Variants in JAK3 observed in about 807,000 individuals in gnomAD.
The protein encoded by JAK3 is tyrosine-protein kinase JAK3.
A neutral mutation model predicts 120.8 loss-of-function variants in JAK3; 88 were observed. The observed-to-expected ratio is 0.73, with a 90% confidence interval of 0.61 to 0.87. The LOEUF (loss-of-function observed/expected upper bound fraction) is 0.87. JAK3 is among the 40% of genes least tolerant of loss of function. The probability of loss-of-function intolerance (pLI) is 0.00; values close to 1 mark genes in which losing one functional copy is unlikely to be tolerated. For synonymous variants in JAK3, 592 were observed against 628.6 expected, an observed-to-expected ratio of 0.94 and a Z score of 0.87; for missense variants, 1,254 against 1,501.4, an observed-to-expected ratio of 0.84 and a Z score of 2.72.
rs2147689016 is a variant in JAK3 at position 17,838,373 on chromosome 19, C to T, written c.1459G>A (p.Val487Met). ...PRPKEKSNLI[V>M]VQRGHSPPTS... Reference sequence around the variant, plus strand: ...GGTGGGCTGTGACCTCTCTGGACCACGATCAGGTTGGACTTTTCTATGGGG... The same window carrying T: ...GGTGGGCTGTGACCTCTCTGGACCATGATCAGGTTGGACTTTTCTATGGGG... The change falls in exon 11 of 24, where the codon GTG becomes ATG. Residue 487 changes from valine (V) to methionine (M), a missense_variant. Val to Met is a conservative substitution (Grantham distance 21). Around this residue, in one of 3 missense-constraint regions of JAK3, gnomAD observed 486 missense variants for 503.0 expected, o/e 0.97. Coordinates refer to ENST00000458235, the MANE Select transcript of JAK3 (RefSeq NM_000215.4). 3 of 1,614,020 alleles carry T rather than the reference C, an allele frequency of 1.9e-6. No homozygotes were observed. The highest frequency in any genetic ancestry group is 2.5e-6 in the Non-Finnish European group (3 of 1,180,022).
intron 17 of JAK3, among the ~76,000 whole-genome samples, 157 bp downstream of exon 17, chr19:17,834,414 G>A (rs370631433): frequency 2.6e-5 from 4 of 152,170 alleles, no homozygotes; most frequent in African/African-American, 9.6e-5. Flanking sequence ...GGGACTGTTC[G>A]TTACAGTAGC....
At position 17,841,095 on chromosome 19, in the gene JAK3, G is replaced by T. The variant is rs897371992; in HGVS notation, c.1142+294C>A. On this transcript the variant is annotated intron_variant, in intron 8 of 23. Coordinates refer to ENST00000458235, the MANE Select transcript of JAK3 (RefSeq NM_000215.4). This position sits in a 1 kb window ranked among gnomAD's most constrained non-coding sequence, Gnocchi z 4.1. Reference sequence around the variant, plus strand: ...GCCCCTCAAAGCGCTGCGATTGCAGGTGTGCCCCACTATGCCTGGCCCTTC... The same window carrying T: ...GCCCCTCAAAGCGCTGCGATTGCAGTTGTGCCCCACTATGCCTGGCCCTTC... Among the ~76,000 whole-genome samples, 4 of 152,108 alleles carry T rather than the reference G, an allele frequency of 2.6e-5. No individual in the cohort carries two copies. The highest frequency in any genetic ancestry group is 1.3e-4 in the Admixed American group (2 of 15,264).
chr19:17,839,703 G>T, intron 9 of JAK3, 40 bp from the exon 10 acceptor site: 3 of 1,379,502 alleles, frequency 2.2e-6, no homozygotes, highest in Non-Finnish European at 3.1e-6. Context: ...CTGAGCGACA[G>T]ACACTCTCCT....
chr19:17,830,230 G>A lies in JAK3; in HGVS notation c.3097-12C>T, dbSNP rs2094211293. On this transcript the variant is annotated splice_polypyrimidine_tract_variant and intron_variant, in intron 22 of 23. Coordinates refer to ENST00000458235, the MANE Select transcript of JAK3 (RefSeq NM_000215.4). ...ATCCGCAGGAACTCCTGGAGCCAAGGAGGAGCGCATGTGGTGGGGGAGGAG... is the reference window on the plus strand; with the variant it reads ...ATCCGCAGGAACTCCTGGAGCCAAGAAGGAGCGCATGTGGTGGGGGAGGAG... The A allele has an allele frequency of 1.3e-6, 2 of 1,554,602 alleles. No individual in the cohort carries two copies. Among genetic ancestry groups the A allele is most frequent in the Non-Finnish European group, 1.7e-6 (2 of 1,149,932 alleles).
chr19:17,837,524 T>G (rs2094227142), intron 12 of JAK3, among the ~76,000 whole-genome samples: 1 of 152,220 alleles, frequency 6.6e-6, no homozygotes, highest in African/African-American at 2.4e-5. Context: ...CAAGCAATTC[T>G]CCTGCCTCAG....
rs2147681782 is a variant in JAK3 at position 17,834,692 on chromosome 19, C to T, written c.2229G>A (p.Gln743=). 1 of 1,614,094 alleles carries T rather than the reference C, an allele frequency of 6.2e-7. No individual in the cohort carries two copies. Among genetic ancestry groups the T allele is most frequent in the Non-Finnish European group, 8.5e-7 (1 of 1,180,006 alleles). ...GCTCTGTCCACTTGGGGGCCGGCAG[C>T]TGCTGCCGGTCCTCATAAAATTGGA... The part of the protein sequence containing the change: ...KKLQFYEDRQ[Q]LPAPKWTELA... The change falls in exon 17 of 24, where the codon CAG becomes CAA. Residue 743 remains glutamine (Q), a synonymous_variant. Coordinates refer to ENST00000458235, the MANE Select transcript of JAK3 (RefSeq NM_000215.4).
rs2094245091 is a variant in JAK3 at position 17,843,544 on chromosome 19, G to T, written c.309-53C>A. On this transcript the variant is annotated intron_variant, in intron 3 of 23. Transcript: ENST00000458235. The surrounding 1 kb of genome is among the most constrained non-coding windows in gnomAD (Gnocchi z 5.4). ...TGAAAGTGCAACCCAGCCTCAGTAG[G>T]AGTGACATTATGGTGGGGGCGAGGG... 1.5e-6 allele frequency: 2 copies of T among 1,336,078 alleles called. No homozygotes were observed. Among genetic ancestry groups the T allele is most frequent in the East Asian group, 2.4e-5 (1 of 41,230 alleles). The allele number at this position is 1,336,078 out of a possible 1,614,324, so 82.8% of individuals were successfully genotyped here.
chr19:17,839,714 T>A, intron 9 of JAK3, 51 bp from the exon 10 acceptor site: 1 of 1,354,816 alleles, frequency 7.4e-7, no homozygotes, highest in Non-Finnish European at 1.0e-6. Flanking sequence ...ACACTCTCCT[T>A]CTCAGTCCTT....
chr19:17,844,814 G>A (rs992977894), intron 1 of JAK3, among the ~76,000 whole-genome samples: 1 of 61,200 alleles, frequency 1.6e-5, no homozygotes, highest in Non-Finnish European at 2.9e-5. Context: ...AAAAAAAAAA[G>A]AAAGAAAGAA....
rs143038064 is a variant in JAK3 at position 17,840,300 on chromosome 19, C to T, written c.1184G>A (p.Arg395His). ...AINKLKTGGS[R>H]PGSYVLRRSP... ...GCGGCGGAGAACATAGGAGCCAGGA[C>T]GTGAGCCCCCAGTCTTGAGCTTGTT... is the stretch of plus-strand genomic sequence containing the variant. The change falls in exon 9 of 24, where the codon CGT becomes CAT. Residue 395 changes from arginine to histidine, a missense_variant. Around this residue, in one of 3 missense-constraint regions of JAK3, gnomAD observed 486 missense variants for 503.0 expected, o/e 0.97. Coordinates refer to ENST00000458235, the MANE Select transcript of JAK3 (RefSeq NM_000215.4). 1.3e-5 allele frequency: 21 copies of T among 1,613,822 alleles called. No homozygotes were observed. The African/African-American group carries it at 1.9e-4, about 14-fold the overall frequency.
intron 23 of JAK3, chr19:17,829,821 T>C (rs2094210485): frequency 1.9e-6 from 1 of 536,524 alleles, no homozygotes; most frequent in Non-Finnish European, 3.3e-6. Context: ...ATCGACTGTG[T>C]GCTCGGCTTT....
intron 1 of JAK3, among the ~76,000 whole-genome samples, chr19:17,844,751 T>G (rs182747669): frequency 2.4e-4 from 35 of 147,504 alleles, no homozygotes; most frequent in African/African-American, 6.6e-4. Flanking sequence ...GAGCCAAGAT[T>G]GTACCACTGC....
rs2094238070 is a variant in JAK3 at position 17,841,344 on chromosome 19, GC to G, written c.1142+44del. ...CACTGAGGCATAGAGAAGGGGAGGG[GC>G]CCTGAGTGGCCACAGAGGCCGGGAA... On this transcript the variant is annotated intron_variant, in intron 8 of 23. Transcript: ENST00000458235. This position sits in a 1 kb window ranked among gnomAD's most constrained non-coding sequence, Gnocchi z 4.1. The G allele has an allele frequency of 4.6e-6, 7 of 1,530,414 alleles. No homozygotes were observed. Among genetic ancestry groups the G allele is most frequent in the Non-Finnish European group, 6.1e-6 (7 of 1,140,724 alleles). The allele number at this position is 1,530,414 out of a possible 1,614,324, so 94.8% of individuals were successfully genotyped here.
intron 23 of JAK3, among the ~76,000 whole-genome samples, chr19:17,828,979 A>G (rs2094208917): frequency 6.6e-6 from 1 of 151,452 alleles, no homozygotes. Context: ...ACACAGAGAG[A>G]CCCCATCTCT....
At chr19:17,840,682 G>T (rs753576745) in intron 8 of JAK3, among the ~76,000 whole-genome samples, 5 of 151,626 alleles carry the variant, frequency 3.3e-5, no homozygotes, top group Non-Finnish European at 5.9e-5. Context: ...AGAATGGCGT[G>T]ACCCTGGGAA....
chr19:17,845,709 AC>A (rs971196443), intron 1 of JAK3, among the ~76,000 whole-genome samples: 1 of 152,122 alleles, frequency 6.6e-6, no homozygotes, highest in African/African-American at 2.4e-5. Flanking sequence ...TGATCACACC[AC>A]TGCACTCCAG....
At chr19:17,830,475 G>A (rs766685579) in intron 22 of JAK3, 28 bp downstream of exon 22, 1 of 1,571,902 alleles carries the variant, frequency 6.4e-7, no homozygotes, top group South Asian at 1.1e-5. Flanking sequence ...GGGAGAAGAA[G>A]GCTGGGGGCT....
intron 12 of JAK3, among the ~76,000 whole-genome samples, 164 bp from the exon 13 acceptor site, chr19:17,837,377 C>T (rs561298404): frequency 1.1e-4 from 17 of 152,270 alleles, no homozygotes; most frequent in Non-Finnish European, 1.6e-4. Flanking sequence ...TTTTCTGATA[C>T]GGGACAGAAG....
chr19:17,830,263 G>T, intron 22 of JAK3, 45 bp from the exon 23 acceptor site: 1 of 1,465,758 alleles, frequency 6.8e-7, no homozygotes, highest in Non-Finnish European at 9.3e-7. Context: ...GAGCCTCCGT[G>T]GGTGGAGGGG....
Sources: gnomAD v4.1 joint callset for allele counts (sites outside exome capture counted in the v4.1 genomes callset) on GRCh38, gnomAD v4.1.1 for gene constraint, gnomAD v4.1.1 regional missense constraint, Gnocchi (gnomAD v3.1) non-coding constraint, MANE v1.5 for transcripts, NCBI Gene and HGNC (gene_info 2026-07-23, HGNC 2026-07-21) for gene names.